The following JAZF1 variants were observed in gnomAD, a reference collection of about 807,000 sequenced individuals.
JAZF1 encodes the protein juxtaposed with another zinc finger protein 1.
A neutral mutation model predicts 26.4 loss-of-function variants in JAZF1; 8 were observed. The observed-to-expected ratio is 0.30, with a 90% CI of 0.18 to 0.55. The LOEUF (loss-of-function observed/expected upper bound fraction) is 0.55. JAZF1 is among the 20% of genes least tolerant of loss of function. JAZF1 has a pLI of 0.94. For missense variants in JAZF1, 199 were observed against 322.0 expected (o/e 0.62, Z 2.92); for synonymous variants, 126 against 122.3 (o/e 1.03, Z -0.20).
At chr7:28,076,380 C>T (rs773774369) in intron 1 of JAZF1, among the ~76,000 whole-genome samples, 4 of 152,076 alleles carry the variant, frequency 2.6e-5, no homozygotes, top group Non-Finnish European at 5.9e-5. Context: ...ATTGATATAT[C>T]AATTTAAAAA....
intron 1 of JAZF1, among the ~76,000 whole-genome samples, chr7:28,016,517 G>A (rs1306726148): frequency 6.6e-6 from 1 of 152,130 alleles, no homozygotes; most frequent in Non-Finnish European, 1.5e-5. Flanking sequence ...CTTTGCCTTG[G>A]GTCTCACCCA....
intron 3 of JAZF1, among the ~76,000 whole-genome samples, chr7:27,876,149 G>C (rs1783675508): frequency 6.6e-6 from 1 of 152,220 alleles, no homozygotes; most frequent in Non-Finnish European, 1.5e-5. Context: ...TCCCCGCATG[G>C]TAACTCACAG....
At chr7:27,955,888 A>C (rs1190579782) in intron 2 of JAZF1, among the ~76,000 whole-genome samples, 1 of 152,194 alleles carries the variant, frequency 6.6e-6, no homozygotes, top group East Asian at 1.9e-4. Flanking sequence ...CTGCACTGTG[A>C]GTCTTTTAAA....
intron 1 of JAZF1, among the ~76,000 whole-genome samples, chr7:28,164,472 C>G (rs921488828): frequency 6.6e-6 from 1 of 152,172 alleles, no homozygotes; most frequent in East Asian, 1.9e-4. Flanking sequence ...AAGATGCTGA[C>G]AGGTTAAAAT....
chr7:28,027,501 T>G (rs1783114353), intron 1 of JAZF1, among the ~76,000 whole-genome samples: 1 of 152,202 alleles, frequency 6.6e-6, no homozygotes, highest in Non-Finnish European at 1.5e-5. Flanking sequence ...TGATAAAATT[T>G]TACTGCCCCA....
At chr7:28,143,201 C>G (rs1013055359) in intron 1 of JAZF1, among the ~76,000 whole-genome samples, 1 of 152,178 alleles carries the variant, frequency 6.6e-6, no homozygotes, top group East Asian at 1.9e-4. Context: ...CAGACTTTCT[C>G]TGTGATGCCT....
intron 2 of JAZF1, among the ~76,000 whole-genome samples, chr7:27,973,451 C>A (rs898938383): frequency 6.6e-6 from 1 of 152,104 alleles, no homozygotes; most frequent in Non-Finnish European, 1.5e-5. Context: ...GCTCATGCCT[C>A]CATGCCCAGC....
intron 2 of JAZF1, among the ~76,000 whole-genome samples, chr7:27,911,699 G>T (rs1784362755): frequency 6.6e-6 from 1 of 152,110 alleles, no homozygotes. Flanking sequence ...GGATACGCTG[G>T]GTGTGAAATG....
chr7:27,904,250 G>A (rs1490900948), intron 2 of JAZF1, among the ~76,000 whole-genome samples: 3 of 152,242 alleles, frequency 2.0e-5, no homozygotes, highest in Non-Finnish European at 4.4e-5. Context: ...CATGTCAAAG[G>A]ATCTGGCTGC....
At chr7:28,034,353 C>G (rs769911424) in intron 1 of JAZF1, among the ~76,000 whole-genome samples, 7 of 151,974 alleles carry the variant, frequency 4.6e-5, no homozygotes, top group Non-Finnish European at 8.8e-5. Context: ...GCTTTTAAGA[C>G]AAACAACAGG....
intron 3 of JAZF1, among the ~76,000 whole-genome samples, chr7:27,869,947 C>T (rs894825765): frequency 6.6e-6 from 1 of 152,176 alleles, no homozygotes; most frequent in Non-Finnish European, 1.5e-5. Context: ...GTTGCTCTGT[C>T]GCCCAGGCTA....
At chr7:27,928,573 C>T (rs1455897109) in intron 2 of JAZF1, among the ~76,000 whole-genome samples, 2 of 152,128 alleles carry the variant, frequency 1.3e-5, no homozygotes, top group Non-Finnish European at 2.9e-5. Flanking sequence ...TGCTAGTGCC[C>T]ATCTTAGGTA....
At position 27,832,984 on chromosome 7, in the gene JAZF1, G is replaced by A. The variant is rs1291889015; in HGVS notation, c.556-8C>T. ...CTTTATGCCATTCACATTCTGTGGA[G>A]AAGACAAAAATATTTATTACATGGA... is the stretch of plus-strand genomic sequence containing the variant. On this transcript the variant is annotated splice_region_variant and splice_polypyrimidine_tract_variant and intron_variant, in intron 4 of 4. Transcript: ENST00000283928. The A allele has an allele frequency of 1.9e-6, 3 of 1,546,392 alleles. No homozygotes were observed. The highest frequency in any genetic ancestry group is 2.8e-5 in the African/African-American group (2 of 72,564).
intron 1 of JAZF1, among the ~76,000 whole-genome samples, chr7:28,126,203 C>T (rs184185423): frequency 7.2e-5 from 11 of 152,330 alleles, no homozygotes; most frequent in Admixed American, 7.2e-4. Flanking sequence ...AAGCAATGTG[C>T]TTGCCTCACT....
intron 1 of JAZF1, among the ~76,000 whole-genome samples, chr7:28,061,259 C>A (rs1365932440): frequency 6.6e-6 from 1 of 152,192 alleles, no homozygotes; most frequent in Non-Finnish European, 1.5e-5. Flanking sequence ...ATGATGAGAC[C>A]TTACAATGCA....
At chr7:28,123,796 A>C (rs73298682) in intron 1 of JAZF1, among the ~76,000 whole-genome samples, 1,976 of 152,324 alleles carry the variant, frequency 0.013, 34 homozygotes, top group African/African-American at 0.045. Flanking sequence ...GGTCAGGAAA[A>C]AGTGGCCATA....
chr7:28,035,103 G>A (rs1031017848), intron 1 of JAZF1, among the ~76,000 whole-genome samples: 11 of 151,996 alleles, frequency 7.2e-5, no homozygotes, highest in Admixed American at 1.3e-4. Flanking sequence ...GATCACCTGA[G>A]GTCAGGAGTT....
chr7:28,149,164 G>T (rs1397235190), intron 1 of JAZF1, among the ~76,000 whole-genome samples: 1 of 152,098 alleles, frequency 6.6e-6, no homozygotes, highest in Non-Finnish European at 1.5e-5. Flanking sequence ...ACATAGGCTG[G>T]GCTGCAGAGC....
At chr7:28,064,240 C>A (rs1783844798) in intron 1 of JAZF1, among the ~76,000 whole-genome samples, 1 of 151,964 alleles carries the variant, frequency 6.6e-6, no homozygotes, top group African/African-American at 2.4e-5. Flanking sequence ...ATTTTAATTT[C>A]CCCCCAAAAT....
Sources: allele counts gnomAD v4.1 joint callset (sites outside exome capture counted in the v4.1 genomes callset), GRCh38; gene constraint gnomAD v4.1.1; transcripts MANE v1.5; gene names NCBI Gene and HGNC (gene_info 2026-07-23, HGNC 2026-07-21).